SCLT1: variants seen among roughly 807,000 people sequenced by gnomAD.
The protein encoded by SCLT1 is sodium channel-associated protein 1.
In SCLT1, 78 loss-of-function variants were observed where a neutral mutation model predicts 112.8. The observed-to-expected ratio is 0.69, with a 90% CI of 0.58 to 0.83. The LOEUF is 0.83. Among genes scored for constraint, SCLT1 ranks in the 40% least tolerant of loss-of-function variants. The probability of loss-of-function intolerance (pLI) is 0.00; values close to 1 mark genes in which losing one functional copy is unlikely to be tolerated. For synonymous variants in SCLT1, 257 were observed against 254.7 expected, an observed-to-expected ratio of 1.01 and a Z score of -0.09; for missense variants, 747 against 770.4, an observed-to-expected ratio of 0.97 and a Z score of 0.36.
chr4:129,050,772 T>A (rs1748706822), intron 2 of SCLT1, among the ~76,000 whole-genome samples: 1 of 152,324 alleles, frequency 6.6e-6, no homozygotes, highest in South Asian at 2.1e-4. Context: ...TTGTTGTAAT[T>A]GCTTTTGGTG....
intron 18 of SCLT1, among the ~76,000 whole-genome samples, chr4:128,910,665 TA>T (rs1414288803): frequency 2.0e-5 from 3 of 152,078 alleles, no homozygotes; most frequent in African/African-American, 7.2e-5. Flanking sequence ...AGAATAAAAA[TA>T]ATTTTATTTC....
rs79277184 is a variant in SCLT1, at chr4:128,948,829, A to C, written c.1219-259T>G. ...GGGGGATTCCAGGGAGAAAAAAATA[A>C]ATAGAACCCCTTTCTCATACTATAG... is the stretch of plus-strand genomic sequence containing the variant. On this transcript the variant is annotated intron_variant, in intron 14 of 20. Coordinates refer to ENST00000281142, the MANE Select transcript of SCLT1 (RefSeq NM_144643.4). Among the ~76,000 whole-genome samples the C allele has an allele frequency of 1.3e-4, 20 of 152,318 alleles. No homozygotes were observed. In the East Asian group the frequency reaches 3.9e-3, roughly 29 times the overall value.
chr4:129,004,380 A>G (rs1027624447), intron 5 of SCLT1, among the ~76,000 whole-genome samples: 11 of 152,250 alleles, frequency 7.2e-5, no homozygotes, highest in African/African-American at 2.6e-4. Context: ...TATAAAACCA[A>G]GACATCAGAA....
At chr4:129,036,722 GC>G (rs1747210057) in intron 5 of SCLT1, 1 of 151,810 alleles carries the variant, frequency 6.6e-6, no homozygotes, top group Non-Finnish European at 1.5e-5. Flanking sequence ...TCATGAAATA[GC>G]CAAAGGCAAG....
At chr4:128,939,802 C>T (rs368550675) in intron 17 of SCLT1, among the ~76,000 whole-genome samples, 5 of 152,090 alleles carry the variant, frequency 3.3e-5, no homozygotes, top group African/African-American at 1.2e-4. Context: ...ATCTCACTGT[C>T]TTTATCTTTT....
In SCLT1 at chr4:129,062,826, T is replaced by C. The variant is rs183986375; in HGVS notation, c.103-18775A>G. ...TTGCTGCTTTTAGAATTAACTGTCT[T>C]TGATTTTTGACAATTTGATTATAAT... On this transcript the variant is annotated intron_variant, in intron 2 of 20. Coordinates refer to ENST00000281142, the MANE Select transcript of SCLT1 (RefSeq NM_144643.4). Among the ~76,000 whole-genome samples, 23 of 152,340 alleles carry C rather than the reference T, an allele frequency of 1.5e-4. No individual in the cohort carries two copies. In the East Asian group the frequency reaches 3.5e-3, roughly 23 times the overall value.
chr4:128,877,549 C>T (rs1732549855), intron 3 of SCLT1, among the ~76,000 whole-genome samples: 1 of 152,084 alleles, frequency 6.6e-6, no homozygotes, highest in South Asian at 2.1e-4. Context: ...GGCGTGGTGG[C>T]ACACGCCTGT....
intron 5 of SCLT1, chr4:129,037,947 A>G (rs1747328196): frequency 6.6e-6 from 1 of 152,156 alleles, no homozygotes; most frequent in Non-Finnish European, 1.5e-5. Flanking sequence ...CCTGGCTAAT[A>G]TGGTGAAACC....
chr4:128,875,370 T>A (rs1375988999), intron 4 of SCLT1: 1 of 152,434 alleles, frequency 6.6e-6, no homozygotes, highest in Non-Finnish European at 1.5e-5. Flanking sequence ...AGAGCACAGA[T>A]TCACTGGGCT....
chr4:129,089,852 G>A (rs1020396566), intron 1 of SCLT1, among the ~76,000 whole-genome samples: 2 of 139,662 alleles, frequency 1.4e-5, no homozygotes, highest in African/African-American at 2.5e-5. Context: ...ACCACACACC[G>A]GGGCCTGTTG....
chr4:128,990,934 C>T (rs1385447724), intron 9 of SCLT1, among the ~76,000 whole-genome samples: 1 of 151,678 alleles, frequency 6.6e-6, no homozygotes, highest in Non-Finnish European at 1.5e-5. Flanking sequence ...TTGAAGATGA[C>T]ACAAAACAAT....
chr4:129,065,866 C>T (rs1310693973), intron 2 of SCLT1, among the ~76,000 whole-genome samples: 3 of 151,962 alleles, frequency 2.0e-5, no homozygotes, highest in African/African-American at 4.8e-5. Flanking sequence ...TGACTAAACC[C>T]TATTATTCTG....
chr4:128,959,318 T>C (rs910098270), intron 12 of SCLT1, among the ~76,000 whole-genome samples: 10 of 152,182 alleles, frequency 6.6e-5, no homozygotes, highest in Non-Finnish European at 1.3e-4. Context: ...TAACAGTTTT[T>C]TTTTTTTAAG....
chr4:129,020,452 A>C (rs1745365328), intron 5 of SCLT1, among the ~76,000 whole-genome samples: 2 of 152,248 alleles, frequency 1.3e-5, no homozygotes, highest in Admixed American at 1.3e-4. Context: ...AGTCCTATCA[A>C]CAGCTGACTG....
intron 3 of SCLT1, among the ~76,000 whole-genome samples, chr4:128,878,028 C>A (rs1321401073): frequency 1.3e-5 from 2 of 152,092 alleles, no homozygotes; most frequent in African/African-American, 2.4e-5. Context: ...AACTCTACAT[C>A]CTAACTGCTT....
chr4:128,957,143 T>C lies in SCLT1; in HGVS notation c.1048-19A>G, dbSNP rs1167254325. 1.4e-6 allele frequency: 2 copies of C among 1,380,904 alleles called. No individual in the cohort carries two copies. The highest frequency in any genetic ancestry group is 2.0e-6 in the Non-Finnish European group (2 of 984,574). 85.5% of individuals were successfully genotyped at this position (1,380,904 alleles called of 1,614,324 possible). A position where few individuals can be genotyped will look rare whatever the true frequency, so the allele number is the denominator to read the frequency against. On this transcript the variant is annotated intron_variant, in intron 12 of 20. Coordinates refer to ENST00000281142, the MANE Select transcript of SCLT1 (RefSeq NM_144643.4). ...GTAGAGCCTTCAGAAAATAATCATT[T>C]CATGTTATAGATAACATTATTATTA...
chr4:128,960,409 A>G (rs1216649725), intron 11 of SCLT1, among the ~76,000 whole-genome samples: 1 of 152,154 alleles, frequency 6.6e-6, no homozygotes, highest in Non-Finnish European at 1.5e-5. Flanking sequence ...TTTCTCATCC[A>G]ATAATATAGA....
At chr4:129,046,569 A>T (rs1707875194) in intron 2 of SCLT1, among the ~76,000 whole-genome samples, 3 of 152,056 alleles carry the variant, frequency 2.0e-5, no homozygotes, top group Admixed American at 6.6e-5. Flanking sequence ...CAATATATTT[A>T]TGCTTTCTAT....
chr4:128,978,598 A>C (rs1741386563), intron 9 of SCLT1, among the ~76,000 whole-genome samples: 1 of 152,110 alleles, frequency 6.6e-6, no homozygotes, highest in Non-Finnish European at 1.5e-5. Context: ...TTTAAGTCAT[A>C]AAAGGTACCA....
Sources: allele counts gnomAD v4.1 joint callset (sites outside exome capture counted in the v4.1 genomes callset), GRCh38; gene constraint gnomAD v4.1.1; transcripts MANE v1.5; gene names NCBI Gene and HGNC (gene_info 2026-07-23, HGNC 2026-07-21).